The following CNTNAP2 variants were observed in gnomAD, a reference collection of about 807,000 sequenced individuals.
The protein encoded by CNTNAP2 is contactin-associated protein-like 2.
Under a neutral mutation model 155.2 loss-of-function variants are expected in CNTNAP2, and 98 were observed. That is an observed-to-expected ratio of 0.63 (90% CI 0.54 to 0.75). The LOEUF (loss-of-function observed/expected upper bound fraction) is 0.75, where lower values mean the gene tolerates loss of function less well. CNTNAP2 is among the 30% of genes least tolerant of loss of function. CNTNAP2 has a pLI of 0.00. For missense variants in CNTNAP2, 1,727 were observed against 1,688.1 expected (o/e 1.02, Z -0.40); for synonymous variants, 651 against 631.2 (o/e 1.03, Z -0.47).
intron 13 of CNTNAP2, among the ~76,000 whole-genome samples, chr7:147,892,093 C>G (rs1799706027): frequency 6.7e-6 from 1 of 150,246 alleles, no homozygotes; most frequent in Admixed American, 6.6e-5. Context: ...TTGATTCATG[C>G]AAAAAAAAAT....
chr7:148,317,848 C>T (rs1316370641), intron 21 of CNTNAP2, among the ~76,000 whole-genome samples: 1 of 152,146 alleles, frequency 6.6e-6, no homozygotes, highest in Non-Finnish European at 1.5e-5. Context: ...CTACAGGCAC[C>T]ACGCCCGGCT....
At chr7:147,524,280 C>T (rs1432221428) in intron 11 of CNTNAP2, among the ~76,000 whole-genome samples, 1 of 152,156 alleles carries the variant, frequency 6.6e-6, no homozygotes, top group African/African-American at 2.4e-5. Context: ...ATCCCAGCTA[C>T]TCGGGTGGCT....
intron 2 of CNTNAP2, among the ~76,000 whole-genome samples, chr7:146,778,674 T>C (rs1020982120): frequency 6.6e-6 from 1 of 152,214 alleles, no homozygotes; most frequent in Non-Finnish European, 1.5e-5. Flanking sequence ...ACTTTTAATA[T>C]AGAATTTTAC....
intron 21 of CNTNAP2, among the ~76,000 whole-genome samples, chr7:148,307,274 G>A (rs1797506768): frequency 6.6e-6 from 1 of 152,172 alleles, no homozygotes; most frequent in East Asian, 1.9e-4. Flanking sequence ...GATGCCTGGG[G>A]TAGGGATCTG....
At chr7:148,051,878 G>A (rs569308274) in intron 15 of CNTNAP2, among the ~76,000 whole-genome samples, 1 of 152,058 alleles carries the variant, frequency 6.6e-6, no homozygotes, top group African/African-American at 2.4e-5. Flanking sequence ...AGTGGCTCAC[G>A]CCTGTAATCC....
intron 1 of CNTNAP2, among the ~76,000 whole-genome samples, chr7:146,618,719 A>C (rs759372733): frequency 2.6e-4 from 40 of 152,264 alleles, no homozygotes; most frequent in Middle Eastern, 3.4e-3. Flanking sequence ...CATAAACGTT[A>C]ATGGAAAATA....
intron 22 of CNTNAP2, among the ~76,000 whole-genome samples, chr7:148,407,680 G>A (rs906199961): frequency 2.4e-4 from 30 of 123,972 alleles, no homozygotes; most frequent in African/African-American, 8.9e-4. Flanking sequence ...CTCCAGCCTG[G>A]TCAACACAGC....
At chr7:147,957,047 T>C (rs1801027367) in intron 14 of CNTNAP2, among the ~76,000 whole-genome samples, 1 of 152,190 alleles carries the variant, frequency 6.6e-6, no homozygotes, top group South Asian at 2.1e-4. Context: ...TTCCCAGAGT[T>C]GGTTTTCCAA....
chr7:146,230,754 G>A (rs927571199), intron 1 of CNTNAP2, among the ~76,000 whole-genome samples: 22 of 152,270 alleles, frequency 1.4e-4, no homozygotes, highest in African/African-American at 4.3e-4. Context: ...GGTGGCTCAT[G>A]CCTGTAATCC....
intron 1 of CNTNAP2, among the ~76,000 whole-genome samples, chr7:146,516,774 C>T (rs922359922): frequency 1.3e-5 from 2 of 151,904 alleles, no homozygotes; most frequent in Non-Finnish European, 2.9e-5. Context: ...GTTGCCTGAA[C>T]CCCCTTTCCC....
chr7:146,824,951 T>TG (rs1186368136), intron 2 of CNTNAP2, among the ~76,000 whole-genome samples: 1 of 151,554 alleles, frequency 6.6e-6, no homozygotes, highest in Non-Finnish European at 1.5e-5. Context: ...GCTTGCCCTA[T>TG]GGGGGAAAAA....
intron 15 of CNTNAP2, among the ~76,000 whole-genome samples, chr7:148,061,930 TA>T (rs1585104574): frequency 7.3e-6 from 1 of 137,204 alleles, no homozygotes; most frequent in Non-Finnish European, 1.6e-5. Flanking sequence ...TATAGATAGA[TA>T]GATAGATAGA....
intron 13 of CNTNAP2, among the ~76,000 whole-genome samples, chr7:147,782,709 G>A (rs1360639878): frequency 6.6e-6 from 1 of 151,966 alleles, no homozygotes; most frequent in Non-Finnish European, 1.5e-5. Context: ...AAATTTTGAG[G>A]GGACACAAAA....
At chr7:147,867,941 T>G (rs952895188) in intron 13 of CNTNAP2, among the ~76,000 whole-genome samples, 3 of 152,184 alleles carry the variant, frequency 2.0e-5, no homozygotes, top group African/African-American at 7.2e-5. Flanking sequence ...TTCTGAAGCC[T>G]ACTTCTGTCA....
At chr7:146,135,801 T>G (rs1797788805) in intron 1 of CNTNAP2, among the ~76,000 whole-genome samples, 1 of 152,072 alleles carries the variant, frequency 6.6e-6, no homozygotes, top group Admixed American at 6.6e-5. Context: ...ATTAGAAATA[T>G]ACCTTTAAAT....
At chr7:146,474,185 A>G (rs1156990237) in intron 1 of CNTNAP2, among the ~76,000 whole-genome samples, 1 of 151,572 alleles carries the variant, frequency 6.6e-6, no homozygotes, top group African/African-American at 2.4e-5. Flanking sequence ...CTGTGTAGAT[A>G]TTATTTCAGT....
intron 18 of CNTNAP2, chr7:148,190,903 A>G (rs1795195198): frequency 6.6e-6 from 1 of 152,242 alleles, no homozygotes; most frequent in Non-Finnish European, 1.5e-5. Flanking sequence ...AAAATAGAAG[A>G]AAAAACATGC....
intron 13 of CNTNAP2, among the ~76,000 whole-genome samples, chr7:147,899,373 A>T (rs1379539530): frequency 2.6e-5 from 4 of 152,086 alleles, no homozygotes. Flanking sequence ...TAGTCAAATC[A>T]TAGAAACAAA....
At chr7:147,105,455 GA>G (rs1800746869) in intron 4 of CNTNAP2, among the ~76,000 whole-genome samples, 2 of 151,916 alleles carry the variant, frequency 1.3e-5, no homozygotes, top group South Asian at 4.1e-4. Flanking sequence ...CAGGATAATA[GA>G]AGAAAAAAGT....
Sources: gnomAD v4.1 joint callset for allele counts (sites outside exome capture counted in the v4.1 genomes callset) on GRCh38, gnomAD v4.1.1 for gene constraint, MANE v1.5 for transcripts, NCBI Gene and HGNC (gene_info 2026-07-23, HGNC 2026-07-21) for gene names.